The following CCNY variants were observed in gnomAD, a reference collection of about 807,000 sequenced individuals.
CCNY encodes the protein cyclin-Y.
Under a neutral mutation model 42.8 loss-of-function variants are expected in CCNY, and 19 were observed. That is an observed-to-expected ratio of 0.44 (90% CI 0.31 to 0.65). CCNY has a LOEUF of 0.65. Ranked by LOEUF, CCNY falls within the 30% of genes least tolerant of loss-of-function variation. CCNY has a pLI of 0.07. For missense variants in CCNY, 370 were observed against 437.3 expected, an observed-to-expected ratio of 0.85 and a Z score of 1.37; for synonymous variants, 165 against 162.7, an observed-to-expected ratio of 1.01 and a Z score of -0.11.
At chr10:35,251,003 G>A (rs1454790401) in intron 3 of CCNY, 1 of 152,170 alleles carries the variant, frequency 6.6e-6, no homozygotes, top group Non-Finnish European at 1.5e-5. Context: ...TCCTTGCCCA[G>A]GGGCCATGCT....
At chr10:35,465,926 AGAGAGAGAGAGAGT>A (rs1171018493) in intron 1 of CCNY, among the ~76,000 whole-genome samples, 1 of 139,258 alleles carries the variant, frequency 7.2e-6, no homozygotes, top group African/African-American at 2.8e-5. Context: ...AGAGAGAGAG[AGAGAGAGAGAGAGT>A]GTGTGTGTGT....
intron 3 of CCNY, among the ~76,000 whole-genome samples, chr10:35,326,621 G>A (rs180877662): frequency 2.6e-5 from 4 of 152,198 alleles, no homozygotes; most frequent in East Asian, 1.9e-4. Flanking sequence ...CTTCTAGGCC[G>A]GGTGTGGTGG....
Position 35,423,505 on chromosome 10 carries a change from G to C in CCNY, c.155-59899G>C, listed in dbSNP as rs567257620. Among the ~76,000 whole-genome samples, 4 of 150,120 alleles carry C rather than the reference G, an allele frequency of 2.7e-5. No homozygotes were observed. In the South Asian group the frequency reaches 8.4e-4, roughly 31 times the overall value. ...AAAAAAAAAAATTCTGCTGAAAGAG[G>C]CTTTTTTTTTTTGGTGGGGTGGGGA... On this transcript the variant is annotated intron_variant, in intron 1 of 9. Coordinates refer to ENST00000374704, the MANE Select transcript of CCNY (RefSeq NM_145012.6).
At chr10:35,489,642 A>G (rs1033879950) in intron 2 of CCNY, among the ~76,000 whole-genome samples, 137 of 152,326 alleles carry the variant, frequency 9.0e-4, no homozygotes, top group Middle Eastern at 3.4e-3. Context: ...TATTATAGTC[A>G]TATCATTGAA....
chr10:35,444,796 G>T (rs112719914), intron 1 of CCNY, among the ~76,000 whole-genome samples: 1,583 of 152,310 alleles, frequency 0.01, 23 homozygotes, highest in African/African-American at 0.036. Context: ...GTAATCCTAA[G>T]AAAGCAACGT....
intron 1 of CCNY, among the ~76,000 whole-genome samples, chr10:35,405,036 T>G (rs1003073794): frequency 2.6e-5 from 4 of 151,992 alleles, no homozygotes; most frequent in African/African-American, 9.7e-5. Flanking sequence ...AGGGAGGTAT[T>G]GAGGATAGGA....
intron 8 of CCNY, among the ~76,000 whole-genome samples, chr10:35,554,563 A>G (rs958939800): frequency 6.6e-6 from 1 of 152,070 alleles, no homozygotes; most frequent in African/African-American, 2.4e-5. Context: ...TTTATTGGGG[A>G]TTATCTTTGC....
chr10:35,274,169 G>A (rs1164388121), intron 3 of CCNY, among the ~76,000 whole-genome samples: 1 of 152,188 alleles, frequency 6.6e-6, no homozygotes, highest in Non-Finnish European at 1.5e-5. Context: ...AGGAGCAAAG[G>A]CACGTCTTAC....
intron 3 of CCNY, among the ~76,000 whole-genome samples, chr10:35,322,040 T>C (rs566067390): frequency 1.7e-4 from 26 of 152,150 alleles, no homozygotes; most frequent in Non-Finnish European, 3.2e-4. Flanking sequence ...CACCTCAAAT[T>C]GGATCATGTA....
At chr10:35,367,930 T>C (rs1223837643) in intron 1 of CCNY, among the ~76,000 whole-genome samples, 2 of 152,244 alleles carry the variant, frequency 1.3e-5, no homozygotes, top group Non-Finnish European at 2.9e-5. Flanking sequence ...CCCACACCTC[T>C]TTAAAAACTT....
intron 1 of CCNY, among the ~76,000 whole-genome samples, chr10:35,349,695 G>C (rs113678546): frequency 7.2e-5 from 11 of 152,122 alleles, no homozygotes; most frequent in East Asian, 1.9e-4. Context: ...TTGACATTAG[G>C]GGGGGCTGCC....
chr10:35,292,723 C>A (rs1371432897), intron 3 of CCNY, among the ~76,000 whole-genome samples: 1 of 150,290 alleles, frequency 6.7e-6, no homozygotes, highest in African/African-American at 2.4e-5. Flanking sequence ...CCTCTGCTTT[C>A]AGCATCGTAT....
At chr10:35,516,464 T>C (rs1840427681) in intron 3 of CCNY, 59 bp from the exon 4 acceptor site, 1 of 1,185,752 alleles carries the variant, frequency 8.4e-7, no homozygotes, top group South Asian at 1.2e-5. Flanking sequence ...GGGTGATGTT[T>C]CTTGGAAGAA....
At chr10:35,375,123 C>G (rs965694092) in intron 1 of CCNY, among the ~76,000 whole-genome samples, 1 of 151,840 alleles carries the variant, frequency 6.6e-6, no homozygotes, top group African/African-American at 2.4e-5. Context: ...GATGCCATAA[C>G]AAATTACCAC....
At chr10:35,542,808 G>A (rs1841031451) in intron 7 of CCNY, among the ~76,000 whole-genome samples, 1 of 152,192 alleles carries the variant, frequency 6.6e-6, no homozygotes, top group Non-Finnish European at 1.5e-5. Context: ...GAATTCAAAA[G>A]CTGTTATTCA....
intron 3 of CCNY, among the ~76,000 whole-genome samples, chr10:35,294,429 C>T (rs868158061): frequency 2.6e-5 from 4 of 152,096 alleles, no homozygotes; most frequent in Non-Finnish European, 2.9e-5. Context: ...GAGAAAGTTC[C>T]TTTCTGTTCC....
At chr10:35,477,756 C>A (rs1839550533) in intron 1 of CCNY, among the ~76,000 whole-genome samples, 1 of 152,120 alleles carries the variant, frequency 6.6e-6, no homozygotes, top group African/African-American at 2.4e-5. Flanking sequence ...CTCGCCACTC[C>A]TATTCAACAT....
chr10:35,393,110 T>G (rs1264799942), intron 1 of CCNY, among the ~76,000 whole-genome samples: 2 of 152,208 alleles, frequency 1.3e-5, no homozygotes, highest in Middle Eastern at 3.2e-3. Flanking sequence ...TGAGTTGAGC[T>G]CCGTCTCCTT....
intron 7 of CCNY, among the ~76,000 whole-genome samples, chr10:35,536,740 A>G (rs1268819260): frequency 6.6e-6 from 1 of 152,224 alleles, no homozygotes; most frequent in Admixed American, 6.5e-5. Context: ...GATTTAGGGT[A>G]TCTGGTGGAA....
Sources: allele counts gnomAD v4.1 joint callset (sites outside exome capture counted in the v4.1 genomes callset), GRCh38; gene constraint gnomAD v4.1.1; transcripts MANE v1.5; gene names NCBI Gene and HGNC (gene_info 2026-07-23, HGNC 2026-07-21).